The following PDCD11 variants were observed in gnomAD, a reference collection of about 807,000 sequenced individuals.
PDCD11 encodes the protein protein RRP5 homolog.
Under a neutral mutation model 198.9 loss-of-function variants are expected in PDCD11, and 97 were observed. That is an observed-to-expected ratio of 0.49 (90% CI 0.41 to 0.58). PDCD11 has a LOEUF of 0.58. PDCD11 is among the 20% of genes least tolerant of loss of function. PDCD11 has a pLI of 0.00. For synonymous variants in PDCD11, 893 were observed against 918.0 expected (o/e 0.97, Z 0.49); for missense variants, 2,102 against 2,312.7 (o/e 0.91, Z 1.87).
chr10:103,408,689 C>CA (rs1006874294), intron 7 of PDCD11, among the ~76,000 whole-genome samples: 2 of 151,940 alleles, frequency 1.3e-5, no homozygotes, highest in Admixed American at 6.6e-5. Context: ...TACAGGCACC[C>CA]ACCACCACAC....
At chr10:103,415,956 T>A (rs1330863666) in intron 12 of PDCD11, among the ~76,000 whole-genome samples, 1 of 152,252 alleles carries the variant, frequency 6.6e-6, no homozygotes, top group Non-Finnish European at 1.5e-5. Context: ...TATCTCATCG[T>A]TATTGACTCA....
chr10:103,432,049 G>T, intron 21 of PDCD11, 80 bp from the exon 22 acceptor site: 3 of 1,057,902 alleles, frequency 2.8e-6, no homozygotes, highest in Admixed American at 1.7e-5. Context: ...TCAATCCGTG[G>T]CCACTTGGGA....
intron 1 of PDCD11, among the ~76,000 whole-genome samples, 155 bp from the exon 2 acceptor site, chr10:103,398,261 A>T (rs2093447773): frequency 6.6e-6 from 1 of 152,208 alleles, no homozygotes; most frequent in South Asian, 2.1e-4. Flanking sequence ...TGAAGTATGG[A>T]TTATTCCGGG....
At chr10:103,433,893 G>A in intron 22 of PDCD11, 55 bp from the exon 23 acceptor site, 1 of 1,374,358 alleles carries the variant, frequency 7.3e-7, no homozygotes, top group Non-Finnish European at 1.0e-6. Context: ...AAGTTTTAAT[G>A]GCGGGAAACC....
At chr10:103,440,141 A>T (rs2032317250) in intron 28 of PDCD11, 149 bp from the exon 29 acceptor site, 1 of 1,268,732 alleles carries the variant, frequency 7.9e-7, no homozygotes, top group Non-Finnish European at 1.1e-6. Flanking sequence ...AATTGTGCAA[A>T]TCATTCTTGA....
intron 25 of PDCD11, among the ~76,000 whole-genome samples, chr10:103,435,709 C>T (rs1054697846): frequency 1.3e-5 from 2 of 152,308 alleles, no homozygotes; most frequent in African/African-American, 4.8e-5. Context: ...GACTAGGTTT[C>T]GCCATGTCGG....
intron 12 of PDCD11, 133 bp downstream of exon 12, chr10:103,415,284 G>A: frequency 1.1e-6 from 1 of 881,232 alleles, no homozygotes; most frequent in South Asian, 1.6e-5. Flanking sequence ...CCTGGCATTG[G>A]GAAGAGAAAA....
At chr10:103,442,499 G>A (rs757089206) in intron 32 of PDCD11, 39 bp downstream of exon 32, 17 of 1,594,106 alleles carry the variant, frequency 1.1e-5, no homozygotes, top group East Asian at 4.5e-5. Context: ...GTCTTCGCAC[G>A]TTCTGGGCTG....
intron 16 of PDCD11, among the ~76,000 whole-genome samples, chr10:103,420,317 T>C (rs2031352140): frequency 6.6e-6 from 1 of 152,176 alleles, no homozygotes; most frequent in Non-Finnish European, 1.5e-5. Flanking sequence ...TTTTATTCTC[T>C]CAGCACACTT....
Position 103,440,571 on chromosome 10 carries a change from G to A in PDCD11, c.4430G>A (p.Gly1477Glu), listed in dbSNP as rs755944237. The A allele has an allele frequency of 1.1e-5, 17 of 1,611,056 alleles. No individual in the cohort carries two copies. Among genetic ancestry groups the A allele is most frequent in the Non-Finnish European group, 1.4e-5 (17 of 1,179,562 alleles). The change falls in exon 29 of 36, where the codon GGG (glycine) becomes GAG (glutamate). Residue 1477 changes from glycine (G) to glutamate (E), a missense_variant. Gly to Glu is a moderately conservative substitution (Grantham distance 98). Coordinates refer to ENST00000369797, the MANE Select transcript of PDCD11 (RefSeq NM_014976.2). ...GGCGGGCGGGAGTGCCGGGAGTCTGGGAGTGAGCAGGTGAGGTCCTGCGGA... is the reference window on the plus strand; with the variant it reads ...GGCGGGCGGGAGTGCCGGGAGTCTGAGAGTGAGCAGGTGAGGTCCTGCGGA... ...KRGGRECRES[G>E]SEQERVSKKP...
intron 27 of PDCD11, 96 bp from the exon 28 acceptor site, chr10:103,439,650 C>T (rs1345717737): frequency 1.4e-5 from 20 of 1,421,320 alleles, no homozygotes; most frequent in Non-Finnish European, 2.0e-5. Context: ...AAATCCTTGT[C>T]ACAACTTGAG....
At chr10:103,442,080 G>A (rs1592143160) in intron 31 of PDCD11, 105 bp downstream of exon 31, 2 of 1,550,388 alleles carry the variant, frequency 1.3e-6, no homozygotes, top group African/African-American at 2.7e-5. Context: ...TGGGGGAGGG[G>A]GCAGCGGCCA....
rs1221596654 is a variant in PDCD11, at chr10:103,422,988, A to G, written c.2498A>G (p.Asp833Gly). The change falls in exon 18 of 36, where the codon GAC becomes GGC. Residue 833 changes from aspartate (D) to glycine (G), a missense_variant and splice_region_variant. By Grantham distance (94) the Asp-to-Gly change is moderately conservative (BLOSUM62 -1). Transcript: ENST00000369797. ...CGTGTTTCCTTTGGATCTCTGGCAGACTCTGTGTTGATCCAGACGCTGGCC... is the reference window on the plus strand; with the variant it reads ...CGTGTTTCCTTTGGATCTCTGGCAGGCTCTGTGTTGATCCAGACGCTGGCC... ...QGVRSLMSNR[D>G]SVLIQTLAEM... 7 of 1,529,610 alleles carry G rather than the reference A, an allele frequency of 4.6e-6. No individual in the cohort carries two copies. Among genetic ancestry groups the G allele is most frequent in the Non-Finnish European group, 6.1e-6 (7 of 1,139,548 alleles). 94.8% of individuals were successfully genotyped at this position (1,529,610 alleles called of 1,614,324 possible).
rs1412496677 is a variant in PDCD11, at chr10:103,439,887, T to C, written c.4148+19T>C. 1.2e-6 allele frequency: 2 copies of C among 1,613,248 alleles called. No individual in the cohort carries two copies. Among genetic ancestry groups the C allele is most frequent in the Non-Finnish European group, 1.7e-6 (2 of 1,179,526 alleles). ...TCCTACGGTAGGTGCCTTCCCGTTC[T>C]CTCTCTCTCTGTAATGTGAATCAAA... On this transcript the variant is annotated intron_variant, in intron 28 of 35. Transcript: ENST00000369797.
intron 9 of PDCD11, 115 bp downstream of exon 9, chr10:103,413,437 T>C: frequency 1.3e-6 from 1 of 787,974 alleles, no homozygotes; most frequent in Non-Finnish European, 2.1e-6. Flanking sequence ...TTTTGGATAT[T>C]GTAGTTCTAA....
At chr10:103,427,139 C>G (rs1166302539) in intron 20 of PDCD11, among the ~76,000 whole-genome samples, 190 bp from the exon 21 acceptor site, 1 of 151,796 alleles carries the variant, frequency 6.6e-6, no homozygotes, top group Non-Finnish European at 1.5e-5. Context: ...TGAGCCTGCT[C>G]CTTACTAATA....
Position 103,421,458 on chromosome 10 carries a change from A to C in PDCD11, c.2388A>C (p.Ser796=), listed in dbSNP as rs1224411082. The C allele has an allele frequency of 6.2e-7, 1 of 1,603,880 alleles. No homozygotes were observed. The highest frequency in any genetic ancestry group is 8.5e-7 in the Non-Finnish European group (1 of 1,175,182). Residue 796 remains serine, a synonymous_variant, in exon 17 of 36, where the codon TCA becomes TCC. Transcript: ENST00000369797. Reference sequence around the variant, plus strand: ...AGGAGAAGCAGCGGATGCTGCTGTCACTGCGGCTGTCGGACTGTGGTCTGG... The same window carrying C: ...AGGAGAAGCAGCGGATGCTGCTGTCCCTGCGGCTGTCGGACTGTGGTCTGG... ...VDEEKQRMLL[S]LRLSDCGLGD...
chr10:103,434,639 C>T, intron 24 of PDCD11, 159 bp from the exon 25 acceptor site: 1 of 621,952 alleles, frequency 1.6e-6, no homozygotes, highest in Non-Finnish European at 2.7e-6. Flanking sequence ...TCCTTGGCTA[C>T]ATGGCAGGGT....
chr10:103,413,404 A>G, intron 9 of PDCD11, 82 bp downstream of exon 9: 4 of 1,117,160 alleles, frequency 3.6e-6, no homozygotes, highest in Non-Finnish European at 5.3e-6. Flanking sequence ...TGCTTCTTTC[A>G]TTCCTTGATG....
Sources: gnomAD v4.1 joint callset for allele counts (sites outside exome capture counted in the v4.1 genomes callset) on GRCh38, gnomAD v4.1.1 for gene constraint, MANE v1.5 for transcripts, NCBI Gene and HGNC (gene_info 2026-07-23, HGNC 2026-07-21) for gene names.